The following GRIA2 variants were observed in gnomAD, a reference collection of about 807,000 sequenced individuals.
The protein encoded by GRIA2 is glutamate receptor 2.
Under a neutral mutation model 97.3 loss-of-function variants are expected in GRIA2, and 14 were observed. The observed-to-expected ratio is 0.14, with a 90% confidence interval of 0.10 to 0.23. GRIA2 has a LOEUF of 0.23. Among genes scored for constraint, GRIA2 ranks in the 10% least tolerant of loss-of-function variants. The pLI is 1.00. For synonymous variants in GRIA2, 412 were observed against 387.8 expected (o/e 1.06, Z -0.73); for missense variants, 558 against 1,069.8 (o/e 0.52, Z 6.67).
At chr4:157,357,495 A>T (rs966050121) in intron 12 of GRIA2, among the ~76,000 whole-genome samples, 10 of 152,112 alleles carry the variant, frequency 6.6e-5, no homozygotes, top group African/African-American at 2.4e-4. Flanking sequence ...GAAAAAAGTT[A>T]CTTTCAGTCT....
intron 2 of GRIA2, among the ~76,000 whole-genome samples, chr4:157,268,879 A>G (rs1004869775): frequency 6.6e-6 from 1 of 152,106 alleles, no homozygotes; most frequent in African/African-American, 2.4e-5. Context: ...TGGAAGTCAC[A>G]TAAATAGACC....
intron 12 of GRIA2, among the ~76,000 whole-genome samples, chr4:157,357,784 A>AT (rs372608021): frequency 1.3e-5 from 2 of 151,868 alleles, no homozygotes; most frequent in African/African-American, 4.8e-5. Flanking sequence ...AGCTAGGTCC[A>AT]TTTTTTTTCT....
Position 157,321,604 on chromosome 4 carries a change from G to A in GRIA2, c.882+5G>A. 6.3e-7 allele frequency: 1 copy of A among 1,597,170 alleles called. No individual in the cohort carries two copies. Among genetic ancestry groups the A allele is most frequent in the South Asian group, 1.1e-5 (1 of 88,506 alleles). ...GCTCACACAACAACAATTAAGGTTT[G>A]CTTTGGTTTCTGTCTTTTCTTTTTC... On this transcript the variant is annotated splice_donor_5th_base_variant and intron_variant, in intron 6 of 15. Transcript: ENST00000264426.
At chr4:157,344,107 G>T (rs1267346460) in intron 12 of GRIA2, among the ~76,000 whole-genome samples, 2 of 151,928 alleles carry the variant, frequency 1.3e-5, no homozygotes, top group Non-Finnish European at 2.9e-5. Context: ...TTTTTTCATA[G>T]AATGTTGTAT....
rs559676590 is a variant in GRIA2, at chr4:157,315,522, T to C, written c.667-2136T>C. On this transcript the variant is annotated intron_variant, in intron 4 of 15. Transcript: ENST00000264426. ...ATTAGGCTATGGGTTTTTTTTTGTT[T>C]GTTTGTTTGTTTTGTTTTGTTTTGT... 4.2e-5 allele frequency among the ~76,000 whole-genome samples: 6 copies of C among 141,322 alleles called. No homozygotes were observed. The East Asian group carries it at 1.2e-3, about 28-fold the overall frequency. 92.7% of individuals were successfully genotyped at this position (141,322 alleles called of 152,430 possible). A position where few individuals can be genotyped will look rare whatever the true frequency, so the allele number is the denominator to read the frequency against.
At chr4:157,293,282 A>T (rs1733188387) in intron 2 of GRIA2, among the ~76,000 whole-genome samples, 1 of 152,322 alleles carries the variant, frequency 6.6e-6, no homozygotes, top group East Asian at 1.9e-4. Context: ...TTGTAATCAC[A>T]AAACTCTGAA....
intron 2 of GRIA2, among the ~76,000 whole-genome samples, chr4:157,265,621 C>T (rs536229551): frequency 1.3e-5 from 2 of 152,036 alleles, no homozygotes; most frequent in Non-Finnish European, 2.9e-5. Flanking sequence ...AGAGTGAGTT[C>T]ATATGCAAGA....
At chr4:157,355,402 C>T (rs1736207410) in intron 12 of GRIA2, among the ~76,000 whole-genome samples, 1 of 151,202 alleles carries the variant, frequency 6.6e-6, no homozygotes. Flanking sequence ...GTGGCACGTG[C>T]CTGTAATCCC....
intron 2 of GRIA2, among the ~76,000 whole-genome samples, chr4:157,252,374 A>G (rs962350813): frequency 2.6e-5 from 4 of 152,252 alleles, no homozygotes; most frequent in South Asian, 2.1e-4. Context: ...TATTTGACCA[A>G]CATTTATTTT....
intron 3 of GRIA2, among the ~76,000 whole-genome samples, chr4:157,304,147 AACAG>A (rs1238007435): frequency 6.6e-6 from 1 of 152,224 alleles, no homozygotes; most frequent in African/African-American, 2.4e-5. Flanking sequence ...ATTTAAGTGA[AACAG>A]ACAGTAACAT....
At chr4:157,274,328 A>AT (rs1011803821) in intron 2 of GRIA2, among the ~76,000 whole-genome samples, 14 of 150,930 alleles carry the variant, frequency 9.3e-5, no homozygotes, top group African/African-American at 2.9e-4. Flanking sequence ...AAAATATTTT[A>AT]TTTTTTTTCC....
At chr4:157,348,657 AGTAGAGGAT>A (rs1208687817) in intron 12 of GRIA2, among the ~76,000 whole-genome samples, 3 of 152,206 alleles carry the variant, frequency 2.0e-5, no homozygotes, top group Admixed American at 6.5e-5. Flanking sequence ...ATCTTATCAT[AGTAGAGGAT>A]GTTTTATAGA....
chr4:157,271,024 G>A (rs753235032), intron 2 of GRIA2, among the ~76,000 whole-genome samples: 8 of 151,174 alleles, frequency 5.3e-5, no homozygotes, highest in Non-Finnish European at 8.8e-5. Context: ...GGAAATATTT[G>A]ATTCATTTGG....
chr4:157,346,137 AC>A, intron 12 of GRIA2, among the ~76,000 whole-genome samples: 1 of 152,182 alleles, frequency 6.6e-6, no homozygotes, highest in Admixed American at 6.5e-5. Flanking sequence ...AAAGATGTTA[AC>A]CTTTTTTCAA....
At chr4:157,292,991 G>A (rs1056788679) in intron 2 of GRIA2, among the ~76,000 whole-genome samples, 2 of 152,030 alleles carry the variant, frequency 1.3e-5, no homozygotes, top group Non-Finnish European at 2.9e-5. Context: ...AACGTAAGTT[G>A]CCATTATTAA....
At chr4:157,305,627 C>T (rs1451084243) in intron 3 of GRIA2, among the ~76,000 whole-genome samples, 4 of 151,972 alleles carry the variant, frequency 2.6e-5, no homozygotes, top group Admixed American at 1.3e-4. Context: ...TCAGATGCAC[C>T]AAACTCTTTC....
At chr4:157,245,979 C>A (rs531856521) in intron 2 of GRIA2, among the ~76,000 whole-genome samples, 1 of 152,080 alleles carries the variant, frequency 6.6e-6, no homozygotes, top group Admixed American at 6.6e-5. Flanking sequence ...TCGTCATATA[C>A]AACCTCATTC....
intron 12 of GRIA2, among the ~76,000 whole-genome samples, chr4:157,348,421 T>C (rs1477322111): frequency 2.0e-5 from 3 of 152,052 alleles, no homozygotes; most frequent in Non-Finnish European, 4.4e-5. Context: ...AAATTTTTTG[T>C]AGAAACGAGA....
chr4:157,355,702 ATT>A (rs1736242114), intron 12 of GRIA2, among the ~76,000 whole-genome samples: 1 of 94,086 alleles, frequency 1.1e-5, no homozygotes, highest in Non-Finnish European at 2.1e-5. Flanking sequence ...ATTTATATAT[ATT>A]TGTATATATT....
Sources: gnomAD v4.1 joint callset for allele counts (sites outside exome capture counted in the v4.1 genomes callset) on GRCh38, gnomAD v4.1.1 for gene constraint, MANE v1.5 for transcripts, NCBI Gene and HGNC (gene_info 2026-07-23, HGNC 2026-07-21) for gene names.